The following PDE8B variants were observed in gnomAD, a reference collection of about 807,000 sequenced individuals.
The protein encoded by PDE8B is high affinity cAMP-specific and IBMX-insensitive 3',5'-cyclic phosphodiesterase 8B.
In PDE8B, 26 loss-of-function variants were observed where a neutral mutation model predicts 101.3. The observed-to-expected ratio is 0.26, with a 90% CI of 0.19 to 0.36. PDE8B has a LOEUF of 0.36. Ranked by LOEUF, PDE8B falls within the 10% of genes least tolerant of loss-of-function variation. The pLI, the probability that PDE8B is intolerant of heterozygous loss-of-function variation, is 1.00. For synonymous variants in PDE8B, 424 were observed against 429.3 expected, an observed-to-expected ratio of 0.99 and a Z score of 0.15; for missense variants, 810 against 1,163.1, an observed-to-expected ratio of 0.70 and a Z score of 4.42.
the PDE8B span, among the ~76,000 whole-genome samples, chr5:77,155,550 C>T: frequency 2.0e-5 from 3 of 152,150 alleles, no homozygotes; most frequent in African/African-American, 7.2e-5. Context: ...TCCTTATGTG[C>T]AAAGAATAAT....
chr5:77,251,826 T>G (rs1218666451), intron 1 of PDE8B, among the ~76,000 whole-genome samples: 1 of 152,242 alleles, frequency 6.6e-6, no homozygotes, highest in East Asian at 1.9e-4. Flanking sequence ...GATTATTACT[T>G]TTTTCAGTTC....
rs983339626 is a variant in PDE8B at position 77,428,127 on chromosome 5, A to G, written c.*1573A>G. On this transcript the variant is annotated 3_prime_UTR_variant, in exon 22 of 22. Transcript: ENST00000264917. Reference sequence around the variant, plus strand: ...GGACAGCAGCCAGCTTTGTATTGTAATGCTATATTATGTAAATGTGATGAA... The same window carrying G: ...GGACAGCAGCCAGCTTTGTATTGTAGTGCTATATTATGTAAATGTGATGAA... 2 of 152,220 alleles carry G rather than the reference A, an allele frequency of 1.3e-5. No individual in the cohort carries two copies. The highest frequency in any genetic ancestry group is 4.8e-5 in the African/African-American group (2 of 41,462). The allele number at this position is 152,220 out of a possible 1,614,324, so 9.4% of individuals were successfully genotyped here.
At chr5:77,164,445 GA>G in the PDE8B span, among the ~76,000 whole-genome samples, 1 of 152,174 alleles carries the variant, frequency 6.6e-6, no homozygotes, top group Non-Finnish European at 1.5e-5. Flanking sequence ...GCAGAAGAAA[GA>G]AAAGCCAAGT....
the PDE8B span, among the ~76,000 whole-genome samples, chr5:77,163,312 T>G: frequency 1.3e-5 from 2 of 152,320 alleles, no homozygotes; most frequent in South Asian, 4.1e-4. Flanking sequence ...TTTCAGAAGA[T>G]TTTGCTTTCA....
the PDE8B span, among the ~76,000 whole-genome samples, chr5:77,091,849 C>T: frequency 6.6e-6 from 1 of 152,140 alleles, no homozygotes; most frequent in African/African-American, 2.4e-5. Flanking sequence ...TAATGAGATA[C>T]ATGATATTTT....
intron 2 of PDE8B, among the ~76,000 whole-genome samples, chr5:77,322,391 G>A (rs752954168): frequency 6.6e-6 from 1 of 152,144 alleles, no homozygotes; most frequent in Non-Finnish European, 1.5e-5. Flanking sequence ...TAATACAGCT[G>A]TCCACCTTCA....
the PDE8B span, among the ~76,000 whole-genome samples, chr5:77,148,814 A>T: frequency 6.6e-6 from 1 of 152,030 alleles, no homozygotes; most frequent in African/African-American, 2.4e-5. Flanking sequence ...TATTTTCTCA[A>T]CCTAGAGCTT....
chr5:77,157,105 C>T, the PDE8B span, among the ~76,000 whole-genome samples: 1 of 152,076 alleles, frequency 6.6e-6, no homozygotes, highest in Non-Finnish European at 1.5e-5. Context: ...TGGGTGGTAA[C>T]AGTTTTTTAC....
At chr5:77,257,860 C>T (rs952122823) in intron 1 of PDE8B, among the ~76,000 whole-genome samples, 2 of 152,050 alleles carry the variant, frequency 1.3e-5, no homozygotes, top group African/African-American at 4.8e-5. Context: ...TGTATTGTTC[C>T]CCTCCCTGTG....
chr5:77,192,799 G>A, the PDE8B span, among the ~76,000 whole-genome samples: 4 of 152,178 alleles, frequency 2.6e-5, no homozygotes, highest in Non-Finnish European at 4.4e-5. Flanking sequence ...ATTCCCATCA[G>A]TAATGTACGA....
chr5:77,240,748 T>C (rs1029841601), intron 1 of PDE8B, among the ~76,000 whole-genome samples: 4 of 152,216 alleles, frequency 2.6e-5, no homozygotes, highest in Non-Finnish European at 4.4e-5. Context: ...ATAAGTGTTG[T>C]GAAAGGAAAT....
intron 10 of PDE8B, among the ~76,000 whole-genome samples, chr5:77,386,894 T>TTTTTTTTTTTTTTTGG (rs1788782797): frequency 1.0e-5 from 1 of 99,016 alleles, no homozygotes; most frequent in African/African-American, 4.5e-5. Flanking sequence ...TTTTTTTTTT[T>TTTTTTTTTTTTTTTGG]GAGACGGAGT....
At chr5:77,134,484 T>C in the PDE8B span, 6 of 152,220 alleles carry the variant, frequency 3.9e-5, no homozygotes, top group Admixed American at 6.5e-5. Context: ...AGTGTCCCAT[T>C]GAACTATATA....
chr5:77,203,163 T>C, the PDE8B span, among the ~76,000 whole-genome samples: 1 of 152,228 alleles, frequency 6.6e-6, no homozygotes, highest in Non-Finnish European at 1.5e-5. Flanking sequence ...CATCTGCCTC[T>C]TTGTTCTTCA....
chr5:77,214,758 AC>A (rs374830015), intron 1 of PDE8B, among the ~76,000 whole-genome samples: 46 of 152,252 alleles, frequency 3.0e-4, no homozygotes, highest in African/African-American at 1.1e-3. Context: ...CGCAAGAATC[AC>A]CTAGAGAGCT....
Position 77,245,859 on chromosome 5 carries a change from CCCA to C in PDE8B, c.339+34596_339+34598del, listed in dbSNP as rs1438334444. ...CCTCCTCCCCCCCCCGCCCCCCCCC[CCCA>C]ACTTTTTGAGATAGGGTCTTGTTCT... On this transcript the variant is annotated intron_variant, in intron 1 of 21. Coordinates refer to ENST00000264917, the MANE Select transcript of PDE8B (RefSeq NM_003719.5). 1.9e-4 allele frequency among the ~76,000 whole-genome samples: 18 copies of C among 92,440 alleles called. 1 individual carries two copies. Among genetic ancestry groups the C allele is most frequent in the African/African-American group, 1.0e-3 (18 of 17,510 alleles). The allele number at this position is 92,440 out of a possible 152,430, so 60.6% of individuals were successfully genotyped here.
intron 10 of PDE8B, chr5:77,358,562 C>T (rs1782533853): frequency 8.8e-6 from 3 of 341,466 alleles, no homozygotes; most frequent in Admixed American, 6.5e-5. Context: ...GTTTTTACTC[C>T]TTAACACAAT....
chr5:77,317,438 CATGT>C (rs1305828536), intron 2 of PDE8B, among the ~76,000 whole-genome samples: 2 of 152,084 alleles, frequency 1.3e-5, no homozygotes, highest in East Asian at 3.9e-4. Context: ...AATTTACTCC[CATGT>C]CAGGAAATGT....
intron 2 of PDE8B, among the ~76,000 whole-genome samples, chr5:77,324,832 A>G (rs568096856): frequency 8.5e-5 from 13 of 152,314 alleles, no homozygotes; most frequent in African/African-American, 3.1e-4. Context: ...GTAAACCATA[A>G]TCTAACCTGT....
Sources: allele counts gnomAD v4.1 joint callset (sites outside exome capture counted in the v4.1 genomes callset), GRCh38; gene constraint gnomAD v4.1.1; transcripts MANE v1.5; gene names NCBI Gene and HGNC (gene_info 2026-07-23, HGNC 2026-07-21).